Variants in ATP2C1 observed in about 807,000 individuals in gnomAD.
ATP2C1 encodes the protein ATPase secretory pathway Ca2+ transporting 1, also known as calcium-transporting ATPase type 2C member 1.
In ATP2C1, 31 loss-of-function variants were observed where a neutral mutation model predicts 120.5. The observed-to-expected ratio is 0.26, with a 90% CI of 0.19 to 0.35. The LOEUF (loss-of-function observed/expected upper bound fraction) is 0.35, where lower values mean the gene tolerates loss of function less well. ATP2C1 is among the 10% of genes least tolerant of loss of function. The pLI is 1.00. For synonymous variants in ATP2C1, 351 were observed against 358.7 expected (o/e 0.98, Z 0.24); for missense variants, 731 against 1,107.5 (o/e 0.66, Z 4.83).
intron 8 of ATP2C1, among the ~76,000 whole-genome samples, chr3:130,953,266 A>G (rs1285641980): frequency 6.6e-6 from 1 of 152,012 alleles, no homozygotes; most frequent in Non-Finnish European, 1.5e-5. Flanking sequence ...GATAGTTATG[A>G]TCTGCATGAA....
At chr3:131,007,761 A>G (rs2063171605), downstream of ATP2C1, among the ~76,000 whole-genome samples, 1 of 152,234 alleles carries the variant, frequency 6.6e-6, no homozygotes, top group African/African-American at 2.4e-5. Flanking sequence ...CATAAATAAA[A>G]TACCATATAA....
At chr3:130,906,998 C>G (rs2058155252) in intron 2 of ATP2C1, among the ~76,000 whole-genome samples, 1 of 151,904 alleles carries the variant, frequency 6.6e-6, no homozygotes, top group South Asian at 2.1e-4. Context: ...GGAGAAATGT[C>G]TATTCAAATC....
At chr3:130,893,231 T>C (rs2069252306), upstream of ATP2C1, among the ~76,000 whole-genome samples, 1 of 152,202 alleles carries the variant, frequency 6.6e-6, no homozygotes, top group African/African-American at 2.4e-5. Flanking sequence ...GCATTGACAC[T>C]GGACAAAGGT....
At position 130,881,838 on chromosome 3, in the gene ATP2C1, T is replaced by G. The variant is rs143448944; in HGVS notation, c.108+30910T>G. Among the ~76,000 whole-genome samples, 721 of 152,318 alleles carry G rather than the reference T, an allele frequency of 4.7e-3. 6 individuals carry two copies. Among genetic ancestry groups the G allele is most frequent in the African/African-American group, 0.016 (680 of 41,572 alleles). On this transcript the variant is annotated intron_variant, in intron 1 of 26. Transcript: ENST00000504381. ...TGGCTATTACATGTGGGATTATTTT[T>G]ACCTCTTTTTCATATTGTACTCTGT...
intron 17 of ATP2C1, among the ~76,000 whole-genome samples, chr3:130,970,163 C>CG (rs1232083704): frequency 6.6e-6 from 1 of 152,008 alleles, no homozygotes; most frequent in Admixed American, 6.6e-5. Flanking sequence ...ACTAAAAATA[C>CG]AAAAATTAGC....
chr3:131,012,105 G>A (rs1315253785), intron 26 of ATP2C1, among the ~76,000 whole-genome samples: 2 of 152,086 alleles, frequency 1.3e-5, no homozygotes, highest in Non-Finnish European at 2.9e-5. Context: ...GAAAAACATG[G>A]TAGATGTAAT....
At chr3:130,980,542 A>G in intron 19 of ATP2C1, 40 bp from the exon 20 acceptor site, 2 of 1,487,934 alleles carry the variant, frequency 1.3e-6, no homozygotes, top group South Asian at 1.1e-5. Flanking sequence ...TCAAGCAAAA[A>G]CAATTTGGTT....
chr3:130,955,201 A>G (rs1350422009), intron 10 of ATP2C1, 121 bp downstream of exon 10: 3 of 744,692 alleles, frequency 4.0e-6, no homozygotes, highest in Non-Finnish European at 7.1e-6. Context: ...AATGGAAATC[A>G]GTTGTCTCTG....
chr3:130,883,558 T>G (rs759694100), intron 1 of ATP2C1, among the ~76,000 whole-genome samples: 3 of 152,032 alleles, frequency 2.0e-5, no homozygotes, highest in African/African-American at 4.8e-5. Flanking sequence ...CTCATGCAAT[T>G]CTTCTGCCTC....
chr3:130,926,580 T>G (rs569159488), intron 2 of ATP2C1, among the ~76,000 whole-genome samples: 3 of 152,242 alleles, frequency 2.0e-5, no homozygotes, highest in Admixed American at 1.3e-4. Context: ...TGGTAATAAC[T>G]ACCAGTATAC....
intron 1 of ATP2C1, among the ~76,000 whole-genome samples, chr3:130,877,938 C>G (rs985174011): frequency 6.6e-6 from 1 of 151,956 alleles, no homozygotes; most frequent in Non-Finnish European, 1.5e-5. Context: ...CACATATACA[C>G]CATGGAATAT....
At chr3:130,990,411 A>G (rs2062273985) in intron 20 of ATP2C1, among the ~76,000 whole-genome samples, 1 of 152,012 alleles carries the variant, frequency 6.6e-6, no homozygotes, top group South Asian at 2.1e-4. Flanking sequence ...CCGAGGAAAG[A>G]GCATTCCAGA....
chr3:130,989,179 G>T lies in ATP2C1; in HGVS notation c.1840-3772G>T, dbSNP rs546601520. 3.4e-4 allele frequency among the ~76,000 whole-genome samples: 51 copies of T among 151,420 alleles called. No homozygotes were observed. In the Middle Eastern group the frequency reaches 0.017, roughly 50 times the overall value. Reference sequence around the variant, plus strand: ...GGCAGAGAATTGCTTGAACCAAGGAGGCAGAGGTAGTGAGCCGAGATTGCG... The same window carrying T: ...GGCAGAGAATTGCTTGAACCAAGGATGCAGAGGTAGTGAGCCGAGATTGCG... On this transcript the variant is annotated intron_variant, in intron 20 of 27. Transcript: ENST00000510168.
At chr3:130,893,663 C>T (rs549304985), upstream of ATP2C1, among the ~76,000 whole-genome samples, 6 of 152,250 alleles carry the variant, frequency 3.9e-5, no homozygotes, top group African/African-American at 4.8e-5. Context: ...AGCGCTTAAA[C>T]GCCTCGGGGA....
intron 26 of ATP2C1, among the ~76,000 whole-genome samples, chr3:131,011,503 T>A (rs891951733): frequency 1.3e-5 from 2 of 152,180 alleles, no homozygotes; most frequent in Non-Finnish European, 2.9e-5. Flanking sequence ...ATTGCAAACA[T>A]AGGAAACTAG....
intron 4 of ATP2C1, among the ~76,000 whole-genome samples, chr3:130,934,067 A>G (rs1452127190): frequency 6.6e-6 from 1 of 152,210 alleles, no homozygotes; most frequent in Non-Finnish European, 1.5e-5. Flanking sequence ...GGTTGATGCT[A>G]TAGTCCTGTT....
At chr3:130,965,340 T>C (rs983018017) in intron 14 of ATP2C1, among the ~76,000 whole-genome samples, 4 of 152,126 alleles carry the variant, frequency 2.6e-5, no homozygotes, top group African/African-American at 9.6e-5. Context: ...ATCTACTTTA[T>C]AGCCAGCTTC....
At chr3:130,879,772 A>G (rs1380538847) in intron 1 of ATP2C1, among the ~76,000 whole-genome samples, 1 of 152,180 alleles carries the variant, frequency 6.6e-6, no homozygotes, top group Non-Finnish European at 1.5e-5. Context: ...GGTGGGTGCG[A>G]TAGTACAGTC....
chr3:130,974,576 C>T (rs555317045), intron 17 of ATP2C1, among the ~76,000 whole-genome samples: 3 of 152,068 alleles, frequency 2.0e-5, no homozygotes, highest in Non-Finnish European at 4.4e-5. Context: ...ATAGTCATTA[C>T]CACACTTGGC....
Sources: gnomAD v4.1 joint callset for allele counts (sites outside exome capture counted in the v4.1 genomes callset) on GRCh38, gnomAD v4.1.1 for gene constraint, MANE v1.5 for transcripts, NCBI Gene and HGNC (gene_info 2026-07-23, HGNC 2026-07-21) for gene names.